The following RYR3 variants were observed in gnomAD, a reference collection of about 807,000 sequenced individuals.
The protein encoded by RYR3 is brain ryanodine receptor-calcium release channel.
A neutral mutation model predicts 584.3 loss-of-function variants in RYR3; 207 were observed. The observed-to-expected ratio is 0.35, with a 90% CI of 0.32 to 0.40. RYR3 has a LOEUF of 0.40. RYR3 is among the 10% of genes least tolerant of loss of function. The pLI, the probability that RYR3 is intolerant of heterozygous loss-of-function variation, is 1.00. For missense variants in RYR3, 5,616 were observed against 6,089.2 expected (o/e 0.92, Z 2.59); for synonymous variants, 2,416 against 2,248.5 (o/e 1.07, Z -2.11).
intron 60 of RYR3, among the ~76,000 whole-genome samples, chr15:33,758,177 C>T (rs1461131644): frequency 6.6e-6 from 1 of 152,202 alleles, no homozygotes. Flanking sequence ...GGTGCCTACC[C>T]CACCAGGGCC....
rs1464769762 is a variant in RYR3, at chr15:33,631,227, G to A, written c.2801G>A (p.Gly934Glu). The A allele has an allele frequency of 2.5e-6, 4 of 1,588,108 alleles. No homozygotes were observed. The Admixed American group carries it at 5.3e-5, about 21-fold the overall frequency. ...TETLKTLLALGCHIAHVNPAA... is the reference protein window; with the variant it reads ...TETLKTLLALECHIAHVNPAA... ...TGTCACAGAACCCTCTTGGCCCTGGGGTGCCACATTGCTCATGTTAACCCA... is the reference window on the plus strand; with the variant it reads ...TGTCACAGAACCCTCTTGGCCCTGGAGTGCCACATTGCTCATGTTAACCCA... The change falls in exon 23 of 104, where the codon GGG (glycine) becomes GAG (glutamate). Residue 934 changes from glycine (G) to glutamate (E), a missense_variant. Transcript: ENST00000634891.
At chr15:33,798,397 C>T (rs1295356227) in intron 67 of RYR3, among the ~76,000 whole-genome samples, 1 of 152,140 alleles carries the variant, frequency 6.6e-6, no homozygotes, top group Non-Finnish European at 1.5e-5. Flanking sequence ...AGCCTCATTC[C>T]TTTGTCTTTA....
Position 33,543,690 on chromosome 15 carries a change from A to T in RYR3, c.715A>T (p.Thr239Ser), listed in dbSNP as rs765416998. 1.2e-6 allele frequency: 2 copies of T among 1,612,348 alleles called. No homozygotes were observed. The highest frequency in any genetic ancestry group is 2.2e-5 in the South Asian group (2 of 91,054). ...TGATGAATGTTTGACGATACCATCT[A>T]CAGACCAGAATGATTCCCAGCACAG... ...GHDECLTIPS[T>S]DQNDSQHRRI... The change falls in exon 8 of 104, where the codon ACA (threonine) becomes TCA (serine). Residue 239 changes from threonine (T) to serine (S), a missense_variant. Around this residue, in one of 9 missense-constraint regions of RYR3, gnomAD observed 1,284 missense variants for 1,344.6 expected, o/e 0.95. Transcript: ENST00000634891.
intron 16 of RYR3, among the ~76,000 whole-genome samples, chr15:33,595,614 C>A (rs1056056668): frequency 2.0e-5 from 3 of 152,112 alleles, no homozygotes; most frequent in African/African-American, 7.2e-5. Flanking sequence ...TAATTTCTTG[C>A]CCTGTGTCTC....
chr15:33,820,627 T>C, intron 77 of RYR3, 129 bp from the exon 78 acceptor site: 1 of 717,898 alleles, frequency 1.4e-6, no homozygotes, highest in South Asian at 2.1e-5. Flanking sequence ...TTCCTGGCTT[T>C]ACACAACGCT....
chr15:33,344,170 C>T (rs1037138495), intron 1 of RYR3, among the ~76,000 whole-genome samples: 3 of 152,164 alleles, frequency 2.0e-5, no homozygotes, highest in Admixed American at 2.0e-4. Context: ...ACTCATTGCT[C>T]TGGTTGAAGG....
intron 5 of RYR3, among the ~76,000 whole-genome samples, chr15:33,537,911 T>G (rs1595497518): frequency 2.6e-5 from 4 of 152,144 alleles, no homozygotes; most frequent in Admixed American, 2.0e-4. Flanking sequence ...GTTGGTTTTT[T>G]GATAATTCTG....
chr15:33,857,211 C>T (rs1053484006), intron 98 of RYR3, among the ~76,000 whole-genome samples: 3 of 145,756 alleles, frequency 2.1e-5, no homozygotes, highest in Non-Finnish European at 4.5e-5. Flanking sequence ...TTCGACAGTT[C>T]TGGAGGCGGT....
intron 36 of RYR3, among the ~76,000 whole-genome samples, chr15:33,664,863 TAAAACGTAGATATCTATATTGGCTTA>T (rs1596047340): frequency 6.6e-6 from 1 of 152,114 alleles, no homozygotes; most frequent in Middle Eastern, 3.2e-3. Flanking sequence ...TAACCTATTT[TAAAACGTAGATATCTATATTGGCTTA>T]AAAATGAATG....
Position 33,816,967 on chromosome 15 carries a change from T to C in RYR3, c.10599+9T>C. On this transcript the variant is annotated intron_variant, in intron 75 of 103. Coordinates refer to ENST00000634891, the MANE Select transcript of RYR3 (RefSeq NM_001036.6). ...TAGTACAGGATTTGGCTGTAAGTAC[T>C]GACTCCCCTGGGAGCAGATATGAGT... The C allele has an allele frequency of 6.5e-7, 1 of 1,534,692 alleles. No homozygotes were observed. Among genetic ancestry groups the C allele is most frequent in the South Asian group, 1.1e-5 (1 of 87,296 alleles).
intron 43 of RYR3, among the ~76,000 whole-genome samples, chr15:33,711,631 G>C (rs186640040): frequency 6.6e-6 from 1 of 152,126 alleles, no homozygotes; most frequent in Non-Finnish European, 1.5e-5. Flanking sequence ...AACTTCCATC[G>C]ATCCCTAAGG....
chr15:33,832,010 A>G (rs563391613), intron 86 of RYR3, among the ~76,000 whole-genome samples: 8 of 152,286 alleles, frequency 5.3e-5, no homozygotes, highest in South Asian at 2.1e-4. Flanking sequence ...AGATGATCAT[A>G]CAGCCAGATG....
intron 60 of RYR3, among the ~76,000 whole-genome samples, chr15:33,767,973 C>A (rs74005992): frequency 0.011 from 1,711 of 152,258 alleles, 38 homozygotes; most frequent in African/African-American, 0.039. Flanking sequence ...CACAGCTGAA[C>A]CTTCAGTGGT....
At chr15:33,839,799 C>G (rs1392382168) in intron 89 of RYR3, 2 of 152,182 alleles carry the variant, frequency 1.3e-5, no homozygotes, top group African/African-American at 4.8e-5. Context: ...CTATAGTTCT[C>G]TGTAGGAGAG....
chr15:33,470,040 C>T lies in RYR3; in HGVS notation c.52-3379C>T, dbSNP rs2048807599. 2.6e-5 allele frequency among the ~76,000 whole-genome samples: 4 copies of T among 152,166 alleles called. No homozygotes were observed. The South Asian group carries it at 8.3e-4, about 31-fold the overall frequency. The stretch of plus-strand genomic sequence containing the variant: ...ACAAAGCTAGAGGTGTCAGGTAGAA[C>T]TCAACTGTGGGGCACCTGAAATCCA... On this transcript the variant is annotated intron_variant, in intron 1 of 103. Transcript: ENST00000634891.
At chr15:33,631,375 A>G (rs2061257450) in intron 23 of RYR3, 82 bp downstream of exon 23, 4 of 847,826 alleles carry the variant, frequency 4.7e-6, no homozygotes, top group South Asian at 1.6e-5. Flanking sequence ...ACCAAGACAG[A>G]CAACAGCCCA....
rs775487863 is a variant in RYR3 at position 33,838,961 on chromosome 15, A to G, written c.12978+3A>G. 55 of 1,599,294 alleles carry G rather than the reference A, an allele frequency of 3.4e-5. No individual in the cohort carries two copies. The Admixed American group carries it at 9.6e-4, about 28-fold the overall frequency. ...TACAGAAGAAGAGGAAAGCTCAGGT[A>G]AGTGTCATTTGTTTCTTTCATCTTC... On this transcript the variant is annotated splice_donor_region_variant and intron_variant, in intron 89 of 103. Transcript: ENST00000634891.
At chr15:33,575,879 A>G (rs1298483969) in intron 12 of RYR3, among the ~76,000 whole-genome samples, 3 of 152,138 alleles carry the variant, frequency 2.0e-5, no homozygotes, top group Non-Finnish European at 4.4e-5. Context: ...AGACTAATGA[A>G]GAAAAAGAGA....
chr15:33,547,861 T>C (rs574028117), intron 8 of RYR3, among the ~76,000 whole-genome samples: 1 of 152,360 alleles, frequency 6.6e-6, no homozygotes, highest in African/African-American at 2.4e-5. Context: ...GATGTTCTTG[T>C]TCCTGCCTTT....
Sources: allele counts gnomAD v4.1 joint callset (sites outside exome capture counted in the v4.1 genomes callset), GRCh38; gene constraint gnomAD v4.1.1; regional missense constraint gnomAD v4.1.1; transcripts MANE v1.5; gene names NCBI Gene and HGNC (gene_info 2026-07-23, HGNC 2026-07-21).